The following CDH12 variants were observed in gnomAD, a reference collection of about 807,000 sequenced individuals.
CDH12 encodes the protein cadherin 12, also known as cadherin-12.
CDH12 carries 41 observed loss-of-function variants against 74.1 expected under a neutral mutation model. The ratio of observed to expected loss-of-function variants is 0.55; its 90% CI spans 0.43 to 0.72. The LOEUF is 0.72. CDH12 is among the 30% of genes least tolerant of loss of function. The pLI is 0.00. For missense variants in CDH12, 945 were observed against 977.2 expected (o/e 0.97, Z 0.44); for synonymous variants, 399 against 355.0 (o/e 1.12, Z -1.39).
chr5:22,296,120 C>A (rs1057442482), intron 3 of CDH12, among the ~76,000 whole-genome samples: 1 of 151,818 alleles, frequency 6.6e-6, no homozygotes, highest in Admixed American at 6.6e-5. Context: ...AAATATACAA[C>A]ACTGGTATAT....
At chr5:22,818,145 C>T (rs1749484532) in intron 1 of CDH12, among the ~76,000 whole-genome samples, 1 of 152,066 alleles carries the variant, frequency 6.6e-6, no homozygotes, top group African/African-American at 2.4e-5. Context: ...TCGTCCTGTC[C>T]AACATGGTTG....
At chr5:22,063,375 C>T (rs1450414700) in intron 5 of CDH12, among the ~76,000 whole-genome samples, 1 of 152,050 alleles carries the variant, frequency 6.6e-6, no homozygotes, top group African/African-American at 2.4e-5. Context: ...TGTAAGCACC[C>T]TTCTCTCTTC....
At chr5:22,699,962 G>T (rs1034281942) in intron 1 of CDH12, among the ~76,000 whole-genome samples, 9 of 152,212 alleles carry the variant, frequency 5.9e-5, no homozygotes, top group African/African-American at 2.2e-4. Flanking sequence ...ATTGTTTGAG[G>T]CCAGGAGTTT....
intron 6 of CDH12, among the ~76,000 whole-genome samples, chr5:21,914,929 A>G (rs535476967): frequency 6.6e-6 from 1 of 152,318 alleles, no homozygotes; most frequent in South Asian, 2.1e-4. Context: ...TATTTGAACT[A>G]TATGATTAGT....
intron 1 of CDH12, among the ~76,000 whole-genome samples, chr5:22,720,545 G>A (rs1743828615): frequency 3.9e-5 from 6 of 152,128 alleles, no homozygotes; most frequent in Admixed American, 3.9e-4. Context: ...ATGTGGAAGT[G>A]AGTTTGGAAC....
chr5:22,532,792 T>G (rs925016488), intron 1 of CDH12, among the ~76,000 whole-genome samples: 4 of 152,076 alleles, frequency 2.6e-5, no homozygotes, highest in Non-Finnish European at 5.9e-5. Context: ...TAAAAAGATC[T>G]TGCAGCATGT....
intron 3 of CDH12, among the ~76,000 whole-genome samples, chr5:22,342,660 T>A (rs946582126): frequency 6.7e-5 from 10 of 150,310 alleles, no homozygotes; most frequent in African/African-American, 2.4e-4. Flanking sequence ...TTTCTTTCTT[T>A]CTCTTTCTTT....
chr5:21,989,677 A>G (rs1245531867), intron 5 of CDH12, among the ~76,000 whole-genome samples: 2 of 152,212 alleles, frequency 1.3e-5, no homozygotes, highest in African/African-American at 4.8e-5. Flanking sequence ...ATTAGTCAAA[A>G]AGAATATGCT....
intron 3 of CDH12, among the ~76,000 whole-genome samples, chr5:22,276,609 A>G (rs931749229): frequency 4.6e-5 from 7 of 152,214 alleles, no homozygotes; most frequent in Non-Finnish European, 7.3e-5. Flanking sequence ...GAACGTTAAC[A>G]CTTGAAAAAT....
chr5:22,401,283 C>T (rs1742718697), intron 3 of CDH12, among the ~76,000 whole-genome samples: 1 of 152,140 alleles, frequency 6.6e-6, no homozygotes, highest in Admixed American at 6.6e-5. Context: ...TAGAACTCTT[C>T]ATGTCAATCA....
At chr5:22,405,902 C>T (rs962295649) in intron 2 of CDH12, among the ~76,000 whole-genome samples, 1 of 152,144 alleles carries the variant, frequency 6.6e-6, no homozygotes, top group Admixed American at 6.5e-5. Context: ...TTCCCATATA[C>T]TTTAAATCAT....
intron 2 of CDH12, among the ~76,000 whole-genome samples, chr5:22,434,804 T>C (rs559098620): frequency 6.6e-6 from 1 of 152,200 alleles, no homozygotes; most frequent in Non-Finnish European, 1.5e-5. Flanking sequence ...AGTTCTTCAA[T>C]ACTTGGCTCC....
chr5:22,269,940 T>C (rs1370912684), intron 3 of CDH12, among the ~76,000 whole-genome samples: 2 of 152,214 alleles, frequency 1.3e-5, no homozygotes, highest in Non-Finnish European at 2.9e-5. Flanking sequence ...GGAGGGATAC[T>C]TCAAATTATA....
chr5:22,043,424 T>C (rs1490620584), intron 5 of CDH12, among the ~76,000 whole-genome samples: 1 of 152,020 alleles, frequency 6.6e-6, no homozygotes, highest in Non-Finnish European at 1.5e-5. Context: ...CTCAACAAAT[T>C]AGACATCAAA....
At chr5:22,141,862 G>A (rs1347327107) in intron 4 of CDH12, among the ~76,000 whole-genome samples, 1 of 152,138 alleles carries the variant, frequency 6.6e-6, no homozygotes, top group Non-Finnish European at 1.5e-5. Flanking sequence ...ACATGTATTA[G>A]TAGATTTAAT....
chr5:22,578,916 G>T (rs1271127796), intron 1 of CDH12, among the ~76,000 whole-genome samples: 4 of 152,024 alleles, frequency 2.6e-5, no homozygotes, highest in Non-Finnish European at 5.9e-5. Context: ...TTTTTCCCCT[G>T]GTGAGTGTCT....
intron 5 of CDH12, among the ~76,000 whole-genome samples, chr5:22,065,410 C>A (rs774565939): frequency 2.6e-5 from 4 of 152,142 alleles, no homozygotes; most frequent in Non-Finnish European, 5.9e-5. Context: ...AGAGACTCTG[C>A]ATTTAATATT....
At chr5:22,310,330 C>G (rs551888160) in intron 3 of CDH12, among the ~76,000 whole-genome samples, 6 of 151,908 alleles carry the variant, frequency 3.9e-5, no homozygotes, top group Non-Finnish European at 8.8e-5. Context: ...GACATGATGG[C>G]AGACACCTGT....
chr5:22,051,575 G>T (rs1740370401), intron 5 of CDH12, among the ~76,000 whole-genome samples: 1 of 152,066 alleles, frequency 6.6e-6, no homozygotes, highest in African/African-American at 2.4e-5. Context: ...TGGTCACGCT[G>T]TATTCTTTCT....
Sources: gnomAD v4.1 joint callset for allele counts (sites outside exome capture counted in the v4.1 genomes callset) on GRCh38, gnomAD v4.1.1 for gene constraint, MANE v1.5 for transcripts, NCBI Gene and HGNC (gene_info 2026-07-23, HGNC 2026-07-21) for gene names.